The following NXPH2 variants were observed in gnomAD, a reference collection of about 807,000 sequenced individuals.
NXPH2 encodes the protein neurexophilin-2.
NXPH2 carries 5 observed loss-of-function variants against 19.8 expected under a neutral mutation model. That is an observed-to-expected ratio of 0.25 (90% confidence interval 0.13 to 0.53). The LOEUF (loss-of-function observed/expected upper bound fraction) is 0.53, where lower values mean the gene tolerates loss of function less well. Ranked by LOEUF, NXPH2 falls within the 20% of genes least tolerant of loss-of-function variation. The pLI, the probability that NXPH2 is intolerant of heterozygous loss-of-function variation, is 0.96. For synonymous variants in NXPH2, 154 were observed against 127.4 expected, an observed-to-expected ratio of 1.21 and a Z score of -1.41; for missense variants, 289 against 322.8, an observed-to-expected ratio of 0.90 and a Z score of 0.80.
chr2:138,767,697 T>C (rs1344755808), intron 1 of NXPH2, among the ~76,000 whole-genome samples: 3 of 152,232 alleles, frequency 2.0e-5, no homozygotes, highest in East Asian at 3.8e-4. Flanking sequence ...TAATCTATCT[T>C]GTTTTTCTGA....
chr2:138,675,097 T>C (rs1468646747), intron 1 of NXPH2, among the ~76,000 whole-genome samples: 2 of 152,190 alleles, frequency 1.3e-5, no homozygotes, highest in African/African-American at 4.8e-5. Context: ...CCTTTATATA[T>C]CATAATATCA....
intron 1 of NXPH2, among the ~76,000 whole-genome samples, chr2:138,757,863 A>G (rs1681941003): frequency 7.9e-6 from 1 of 126,442 alleles, no homozygotes; most frequent in South Asian, 2.6e-4. Context: ...CTATCTATCT[A>G]TCTCCCACTG....
At chr2:138,766,337 C>T (rs1194450041) in intron 1 of NXPH2, among the ~76,000 whole-genome samples, 2 of 152,178 alleles carry the variant, frequency 1.3e-5, no homozygotes, top group African/African-American at 4.8e-5. Flanking sequence ...TTCAGCTTCT[C>T]GCATAGCCAG....
chr2:138,740,672 T>C (rs995241452), intron 1 of NXPH2, among the ~76,000 whole-genome samples: 3 of 152,088 alleles, frequency 2.0e-5, no homozygotes, highest in Non-Finnish European at 2.9e-5. Flanking sequence ...TTTCATTGAT[T>C]TGGAGAGACA....
At chr2:138,766,721 G>A (rs545387320) in intron 1 of NXPH2, among the ~76,000 whole-genome samples, 6 of 152,104 alleles carry the variant, frequency 3.9e-5, no homozygotes, top group African/African-American at 1.4e-4. Flanking sequence ...TGAAATTTAC[G>A]GAGTAATAAA....
intron 1 of NXPH2, among the ~76,000 whole-genome samples, chr2:138,739,343 C>T (rs1264525707): frequency 6.6e-6 from 1 of 152,042 alleles, no homozygotes; most frequent in Non-Finnish European, 1.5e-5. Context: ...GGATTTAAAA[C>T]CAAAATTATA....
chr2:138,700,297 A>C (rs1183634702), intron 1 of NXPH2, among the ~76,000 whole-genome samples: 2 of 152,200 alleles, frequency 1.3e-5, no homozygotes, highest in Non-Finnish European at 1.5e-5. Context: ...CCTTTAGGAA[A>C]ATACATATTT....
chr2:138,734,029 G>C (rs1411055622), intron 1 of NXPH2, among the ~76,000 whole-genome samples: 1 of 152,182 alleles, frequency 6.6e-6, no homozygotes, highest in Non-Finnish European at 1.5e-5. Context: ...TGGATCACCT[G>C]ATGTCAGTAG....
chr2:138,715,820 T>C (rs1250879411), intron 1 of NXPH2, among the ~76,000 whole-genome samples: 2 of 152,194 alleles, frequency 1.3e-5, no homozygotes, highest in Non-Finnish European at 2.9e-5. Flanking sequence ...CTAGAATCCC[T>C]TCCCAGTCTC....
intron 1 of NXPH2, among the ~76,000 whole-genome samples, chr2:138,740,884 GA>G (rs2105005988): frequency 6.8e-6 from 1 of 146,774 alleles, no homozygotes; most frequent in African/African-American, 2.5e-5. Context: ...AAATATGGGG[GA>G]AAAGTGCTGA....
intron 1 of NXPH2, among the ~76,000 whole-genome samples, chr2:138,690,979 G>T (rs889698039): frequency 2.6e-5 from 4 of 152,214 alleles, no homozygotes; most frequent in African/African-American, 9.7e-5. Context: ...CTCACACAGG[G>T]ATAGTTAGCC....
rs374953139 is a variant in NXPH2 at position 138,671,501 on chromosome 2, C to T, written c.216G>A (p.Ala72=). The T allele has an allele frequency of 8.9e-5, 143 of 1,613,936 alleles. 2 individuals are homozygous for T. The African/African-American group carries it at 1.4e-3, about 16-fold the overall frequency. ...QSPVPKPGPM[A]YADSMENFWD... is the part of the protein sequence containing the mutation. ...AAAAGTTTTCCATGCTGTCTGCGTA[C>T]GCCATGGGGCCGGGCTTGGGCACCG... Residue 72 remains alanine (A), a synonymous_variant, in exon 2 of 2, where the codon GCG becomes GCA. Transcript: ENST00000272641.
chr2:138,672,802 A>C (rs1680433402), intron 1 of NXPH2, among the ~76,000 whole-genome samples: 1 of 152,202 alleles, frequency 6.6e-6, no homozygotes, highest in African/African-American at 2.4e-5. Context: ...ATGGTTTCAG[A>C]TTATTCCCAA....
intron 1 of NXPH2, among the ~76,000 whole-genome samples, chr2:138,718,551 T>A (rs1681227543): frequency 6.6e-6 from 1 of 152,070 alleles, no homozygotes; most frequent in East Asian, 1.9e-4. Context: ...AAAAAGGCTG[T>A]CCAGCAGAAC....
intron 1 of NXPH2, among the ~76,000 whole-genome samples, chr2:138,697,497 A>G (rs1028236423): frequency 6.6e-6 from 1 of 152,062 alleles, no homozygotes; most frequent in Non-Finnish European, 1.5e-5. Flanking sequence ...GTAAGTAAAG[A>G]CTACTTAATA....
chr2:138,745,349 C>A (rs959563700), intron 1 of NXPH2, among the ~76,000 whole-genome samples: 1 of 152,154 alleles, frequency 6.6e-6, no homozygotes, highest in African/African-American at 2.4e-5. Flanking sequence ...AACTTGCCTA[C>A]CTTCTCTCAA....
intron 1 of NXPH2, among the ~76,000 whole-genome samples, chr2:138,737,536 A>G (rs953059153): frequency 5.3e-5 from 8 of 152,188 alleles, no homozygotes; most frequent in East Asian, 3.8e-4. Flanking sequence ...GGGTGGGGAC[A>G]CAGCCTAACC....
chr2:138,764,615 G>C (rs1287971044), intron 1 of NXPH2, among the ~76,000 whole-genome samples: 1 of 152,082 alleles, frequency 6.6e-6, no homozygotes, highest in Non-Finnish European at 1.5e-5. Context: ...ATGTTCCCAA[G>C]GTTTCTGATA....
At position 138,671,408 on chromosome 2, in the gene NXPH2, T is replaced by A; in HGVS notation, c.309A>T (p.Val103=). The change falls in exon 2 of 2, where the codon GTA becomes GTT. Residue 103 remains valine (V), a synonymous_variant. Transcript: ENST00000272641. ...PLARTKRRPI[V]KTGKFKKMFG... The stretch of plus-strand genomic sequence containing the variant: ...ACATTTTCTTAAATTTTCCTGTTTT[T>A]ACTATTGGCCTCCGTTTAGTTCTTG... 1 of 1,614,070 alleles carries A rather than the reference T, an allele frequency of 6.2e-7. No homozygotes were observed. Among genetic ancestry groups the A allele is most frequent in the Non-Finnish European group, 8.5e-7 (1 of 1,179,906 alleles).
Sources: allele counts gnomAD v4.1 joint callset (sites outside exome capture counted in the v4.1 genomes callset), GRCh38; gene constraint gnomAD v4.1.1; transcripts MANE v1.5; gene names NCBI Gene and HGNC (gene_info 2026-07-23, HGNC 2026-07-21).